Variants in MSI2 observed in about 807,000 individuals in gnomAD.
MSI2 encodes the protein RNA-binding protein Musashi homolog 2.
Under a neutral mutation model 45.6 loss-of-function variants are expected in MSI2, and 17 were observed. The observed-to-expected ratio is 0.37, with a 90% CI of 0.26 to 0.56. The LOEUF is 0.56. Among genes scored for constraint, MSI2 ranks in the 20% least tolerant of loss-of-function variants. MSI2 has a pLI of 0.77. For missense variants in MSI2, 293 were observed against 444.2 expected, an observed-to-expected ratio of 0.66 and a Z score of 3.06; for synonymous variants, 156 against 158.2, an observed-to-expected ratio of 0.99 and a Z score of 0.11.
rs542420980 is a variant in MSI2, at chr17:57,574,159, T to C, written c.455-22709T>C. Among the ~76,000 whole-genome samples, 3 of 151,786 alleles carry C rather than the reference T, an allele frequency of 2.0e-5. No individual in the cohort carries two copies. The East Asian group carries it at 5.8e-4, about 29-fold the overall frequency. Reference sequence around the variant, plus strand: ...CTCCCCAGCCCCACCCCTCATATCCTCCATCCTAGCCCCAGCAATGCCGCT... The same window carrying C: ...CTCCCCAGCCCCACCCCTCATATCCCCCATCCTAGCCCCAGCAATGCCGCT... On this transcript the variant is annotated intron_variant, in intron 7 of 13. Transcript: ENST00000284073.
At chr17:57,444,333 C>G (rs144513864) in intron 6 of MSI2, among the ~76,000 whole-genome samples, 1,716 of 152,206 alleles carry the variant, frequency 0.011, 23 homozygotes, top group Middle Eastern at 0.017. Context: ...GCCTATAATC[C>G]CAGCACTTTG....
At chr17:57,695,750 GGT>G in the MSI2 span, among the ~76,000 whole-genome samples, 116 of 152,158 alleles carry the variant, frequency 7.6e-4, no homozygotes, top group African/African-American at 2.7e-3. Flanking sequence ...CCATATACTG[GGT>G]GGCTTAAACA....
At chr17:57,395,700 G>A (rs2083876027) in intron 5 of MSI2, among the ~76,000 whole-genome samples, 1 of 152,230 alleles carries the variant, frequency 6.6e-6, no homozygotes, top group African/African-American at 2.4e-5. Context: ...ACAAAGATTG[G>A]ACTTAATTCT....
intron 5 of MSI2, among the ~76,000 whole-genome samples, chr17:57,315,086 G>T (rs1271419686): frequency 6.6e-6 from 1 of 152,176 alleles, no homozygotes; most frequent in East Asian, 1.9e-4. Flanking sequence ...GTGCAGCCAG[G>T]ATTCAGAACT....
intron 6 of MSI2, among the ~76,000 whole-genome samples, chr17:57,499,660 T>A (rs985260136): frequency 1.3e-5 from 2 of 152,222 alleles, no homozygotes; most frequent in Non-Finnish European, 2.9e-5. Context: ...GTGGTTTCTG[T>A]GGAGCGGGAA....
intron 4 of MSI2, among the ~76,000 whole-genome samples, chr17:57,261,634 A>T (rs1290375139): frequency 6.6e-6 from 1 of 151,984 alleles, no homozygotes; most frequent in Non-Finnish European, 1.5e-5. Flanking sequence ...GAGTTTTTGG[A>T]TGTTGTTGAT....
At chr17:57,293,593 TTG>T (rs1555573444) in intron 5 of MSI2, among the ~76,000 whole-genome samples, 1 of 82,618 alleles carries the variant, frequency 1.2e-5, no homozygotes, top group East Asian at 5.3e-4. Context: ...TATTGTTTTT[TTG>T]TTTTTTTTTT....
At chr17:57,578,958 T>C (rs1031585219) in intron 7 of MSI2, among the ~76,000 whole-genome samples, 10 of 152,252 alleles carry the variant, frequency 6.6e-5, no homozygotes, top group Admixed American at 6.5e-4. Flanking sequence ...AAACTTGCTG[T>C]ATTGTTAATC....
intron 5 of MSI2, among the ~76,000 whole-genome samples, chr17:57,330,055 T>G (rs1231499380): frequency 6.6e-6 from 1 of 152,112 alleles, no homozygotes; most frequent in East Asian, 1.9e-4. Context: ...TGTTTGTTGT[T>G]GAATAATGAC....
At chr17:57,527,607 C>G (rs2086731736) in intron 6 of MSI2, among the ~76,000 whole-genome samples, 1 of 152,208 alleles carries the variant, frequency 6.6e-6, no homozygotes, top group Admixed American at 6.5e-5. Context: ...GCCACCATGC[C>G]AGGCCATTTT....
intron 5 of MSI2, among the ~76,000 whole-genome samples, chr17:57,339,660 A>G (rs1454781083): frequency 4.6e-5 from 7 of 151,880 alleles, no homozygotes; most frequent in Non-Finnish European, 1.0e-4. Flanking sequence ...TCTTTGGGAC[A>G]TTTTCTCTCC....
At chr17:57,269,072 A>G (rs1908109620) in intron 5 of MSI2, among the ~76,000 whole-genome samples, 1 of 152,198 alleles carries the variant, frequency 6.6e-6, no homozygotes. Context: ...AGGAAGGGCA[A>G]TCTAAGCTTC....
intron 5 of MSI2, among the ~76,000 whole-genome samples, chr17:57,380,136 C>T (rs1389572354): frequency 1.3e-5 from 2 of 152,044 alleles, no homozygotes; most frequent in African/African-American, 2.4e-5. Context: ...TGACTGTTTC[C>T]ACCTCTCCCC....
At chr17:57,479,995 T>C (rs2085616433) in intron 6 of MSI2, among the ~76,000 whole-genome samples, 1 of 152,204 alleles carries the variant, frequency 6.6e-6, no homozygotes, top group African/African-American at 2.4e-5. Flanking sequence ...TTATTTTTTT[T>C]GAGTCGGAGT....
chr17:57,408,227 C>T (rs2084120093), intron 6 of MSI2, among the ~76,000 whole-genome samples: 1 of 152,186 alleles, frequency 6.6e-6, no homozygotes, highest in Non-Finnish European at 1.5e-5. Flanking sequence ...TACTGGGTTT[C>T]TAGGAAAACT....
At chr17:57,477,275 G>T (rs1411138417) in intron 6 of MSI2, among the ~76,000 whole-genome samples, 1 of 151,408 alleles carries the variant, frequency 6.6e-6, no homozygotes, top group Non-Finnish European at 1.5e-5. Flanking sequence ...CCCACCGAAG[G>T]AATCTCTTGA....
chr17:57,372,267 T>G (rs1016811087), intron 5 of MSI2, among the ~76,000 whole-genome samples: 1 of 152,212 alleles, frequency 6.6e-6, no homozygotes, highest in Non-Finnish European at 1.5e-5. Flanking sequence ...TTCAACACAC[T>G]GACCTACCCA....
chr17:57,445,551 TGG>T (rs56827837), intron 6 of MSI2, among the ~76,000 whole-genome samples: 16 of 149,762 alleles, frequency 1.1e-4, no homozygotes, highest in South Asian at 6.4e-4. Flanking sequence ...GACAGGGCGG[TGG>T]GGGGGGGTGC....
chr17:57,483,680 G>T (rs1307906410), intron 6 of MSI2, among the ~76,000 whole-genome samples: 2 of 152,218 alleles, frequency 1.3e-5, no homozygotes, highest in Non-Finnish European at 2.9e-5. Flanking sequence ...ATGTCTCTGA[G>T]GGGGTGGATG....
Sources: allele counts gnomAD v4.1 joint callset (sites outside exome capture counted in the v4.1 genomes callset), GRCh38; gene constraint gnomAD v4.1.1; transcripts MANE v1.5; gene names NCBI Gene and HGNC (gene_info 2026-07-23, HGNC 2026-07-21).